Variants in PRSS21 observed in about 807,000 individuals in gnomAD.
PRSS21 encodes serine protease 21, also known as testisin.
PRSS21 carries 40 observed loss-of-function variants against 31.1 expected under a neutral mutation model. That is an observed-to-expected ratio of 1.29 (90% CI 1.00 to 1.68). The LOEUF (loss-of-function observed/expected upper bound fraction) is 1.68. PRSS21 is among the 40% of genes most tolerant of loss of function. The probability of loss-of-function intolerance (pLI) is 0.00; values close to 1 mark genes in which losing one functional copy is unlikely to be tolerated. For synonymous variants in PRSS21, 186 were observed against 167.7 expected (o/e 1.11, Z -0.84); for missense variants, 467 against 412.6 (o/e 1.13, Z -1.14).
chr16:2,821,321 C>A (rs555523098), intron 5 of PRSS21, 45 bp from the exon 6 acceptor site: 2 of 1,608,064 alleles, frequency 1.2e-6, no homozygotes, highest in Non-Finnish European at 1.7e-6. Flanking sequence ...CTCCCCTGCC[C>A]CACTCACTCT....
At chr16:2,821,234 G>T in intron 5 of PRSS21, 125 bp downstream of exon 5, 1 of 1,536,400 alleles carries the variant, frequency 6.5e-7, no homozygotes, top group Admixed American at 1.7e-5. Context: ...AGAAACGGAG[G>T]CTTGGCTGCT....
chr16:2,818,950 G>A lies in PRSS21; in HGVS notation c.531G>A (p.Gly177=), dbSNP rs761648634. The A allele has an allele frequency of 6.8e-6, 11 of 1,614,164 alleles. No homozygotes were observed. Among genetic ancestry groups the A allele is most frequent in the Non-Finnish European group, 6.8e-6 (8 of 1,179,980 alleles). The change falls in exon 4 of 6, where the codon GGG becomes GGA. Residue 177 remains glycine (G), a synonymous_variant. Coordinates refer to ENST00000005995, the MANE Select transcript of PRSS21 (RefSeq NM_006799.4). ...NRTDCWVTGW[G]YIKEDEALPS... ...CAGACTGCTGGGTGACTGGCTGGGG[G>A]TACATCAAAGAGGATGAGGGTGAGG...
In PRSS21 at chr16:2,817,528, A is replaced by AG. The variant is rs201272717; in HGVS notation, c.91+73dup. The AG allele has an allele frequency of 2.9e-4, 171 of 581,926 alleles. 1 individual carries two copies. Among genetic ancestry groups the AG allele is most frequent in the East Asian group, 2.1e-3 (57 of 27,530 alleles). The allele number at this position is 581,926 out of a possible 1,614,324, so 36.0% of individuals were successfully genotyped here. A position where few individuals can be genotyped will look rare whatever the true frequency, so the allele number is the denominator to read the frequency against. ...GGTGGACGGGGGGCGGTGAGGGGGT[A>AG]GAGGGGGGCCTTTACTGCTCTCTCG... On this transcript the variant is annotated intron_variant, in intron 2 of 5. Transcript: ENST00000005995. The surrounding 1 kb of genome is among the most constrained non-coding windows in gnomAD (Gnocchi z 4.2).
Position 2,817,630 on chromosome 16 carries a change from G to A in PRSS21, c.92-171G>A. 4 of 1,267,122 alleles carry A rather than the reference G, an allele frequency of 3.2e-6. No individual in the cohort carries two copies. The highest frequency in any genetic ancestry group is 4.3e-6 in the Non-Finnish European group (4 of 930,810). 78.5% of individuals were successfully genotyped at this position (1,267,122 alleles called of 1,614,324 possible). ...CGCTGGAGGGGGATGGGCGGGCCCT[G>A]CAGAGCACGTGGGAGGATCTCCAGT... On this transcript the variant is annotated intron_variant, in intron 2 of 5. Transcript: ENST00000005995. The surrounding 1 kb of genome is among the most constrained non-coding windows in gnomAD (Gnocchi z 4.2).
Position 2,820,985 on chromosome 16 carries a change from T to C in PRSS21, c.581T>C (p.Val194Ala), listed in dbSNP as rs1020018854. 5.6e-6 allele frequency: 9 copies of C among 1,613,862 alleles called. No homozygotes were observed. Among genetic ancestry groups the C allele is most frequent in the African/African-American group, 1.3e-5 (1 of 74,926 alleles). Residue 194 changes from valine to alanine, a missense_variant, in exon 5 of 6, where the codon GTT (valine) becomes GCT (alanine). By Grantham distance (64) the Val-to-Ala change is moderately conservative (BLOSUM62 0). Transcript: ENST00000005995. ...CCATCTCCCCACACCCTCCAGGAAG[T>C]TCAGGTCGCCATCATAAACAACTCT... ...ALPSPHTLQE[V>A]QVAIINNSMC...
chr16:2,820,844 C>A (rs1007896209), intron 4 of PRSS21, 111 bp from the exon 5 acceptor site: 49 of 1,143,540 alleles, frequency 4.3e-5, no homozygotes, highest in Non-Finnish European at 5.8e-5. Context: ...TGGAGATGAA[C>A]CTGCCAGGCA....
In PRSS21 at chr16:2,821,450, C is replaced by T. The variant is rs569822792; in HGVS notation, c.790C>T (p.Arg264Trp). 793 of 1,614,184 alleles carry T rather than the reference C, an allele frequency of 4.9e-4. 12 individuals are homozygous for T. In the South Asian group the frequency reaches 8.1e-3, roughly 17 times the overall value. The change falls in exon 6 of 6, where the codon CGG becomes TGG. Residue 264 changes from arginine to tryptophan, a missense_variant. Coordinates refer to ENST00000005995, the MANE Select transcript of PRSS21 (RefSeq NM_006799.4). ...CGTGAGCTGGGGAGTGGGCTGTGGTCGGCCCAATCGGCCCGGTGTCTACAC... is the reference window on the plus strand; with the variant it reads ...CGTGAGCTGGGGAGTGGGCTGTGGTTGGCCCAATCGGCCCGGTGTCTACAC... ...GVVSWGVGCG[R>W]PNRPGVYTNI...
At chr16:2,818,049 T>C in intron 3 of PRSS21, 83 bp downstream of exon 3, 1 of 1,458,560 alleles carries the variant, frequency 6.9e-7, no homozygotes, top group Non-Finnish European at 9.2e-7. Context: ...ACCTCTGGTC[T>C]GATGCCAGAC....
At chr16:2,819,511 G>A (rs1472855219) in intron 4 of PRSS21, among the ~76,000 whole-genome samples, 5 of 152,186 alleles carry the variant, frequency 3.3e-5, no homozygotes, top group African/African-American at 1.2e-4. Flanking sequence ...TGAAAGAAGT[G>A]GGCCCAGCAT....
intron 4 of PRSS21, among the ~76,000 whole-genome samples, chr16:2,820,054 A>C (rs2069144746): frequency 6.6e-6 from 1 of 152,108 alleles, no homozygotes; most frequent in African/African-American, 2.4e-5. Flanking sequence ...GGTCACACCA[A>C]CCCCAGGCTG....
At chr16:2,820,382 G>A (rs903622346) in intron 4 of PRSS21, among the ~76,000 whole-genome samples, 1 of 152,238 alleles carries the variant, frequency 6.6e-6, no homozygotes. Flanking sequence ...GAATTGGACA[G>A]GTGTGGGCTC....
chr16:2,819,488 AAC>A (rs1361102809), intron 4 of PRSS21, among the ~76,000 whole-genome samples: 1 of 152,088 alleles, frequency 6.6e-6, no homozygotes, highest in Non-Finnish European at 1.5e-5. Flanking sequence ...CGTGTCCCCC[AAC>A]ACACATGCCC....
Position 2,817,813 on chromosome 16 carries a change from G to T in PRSS21, c.104G>T (p.Arg35Leu). Residue 35 changes from arginine (R) to leucine (L), a missense_variant, in exon 3 of 6, where the codon CGA becomes CTA. Transcript: ENST00000005995. The surrounding 1 kb of genome is among the most constrained non-coding windows in gnomAD (Gnocchi z 4.2). The part of the protein sequence containing the change: ...EAAPLSGPCG[R>L]RVITSRIVGG... Reference sequence around the variant, plus strand: ...CTGACCATCCGAGGACCATGCGGCCGACGGGTCATCACGTCGCGCATCGTG... The same window carrying T: ...CTGACCATCCGAGGACCATGCGGCCTACGGGTCATCACGTCGCGCATCGTG... 6.5e-7 allele frequency: 1 copy of T among 1,550,216 alleles called. No homozygotes were observed.
rs1450155839 is a variant in PRSS21, at chr16:2,821,607, C to T, written c.*2C>T. Reference sequence around the variant, plus strand: ...CTCCCACTCCTGGGGCCGGTCTGAGCCTACCTGAGCCCATGCAGCCTGGGG... The same window carrying T: ...CTCCCACTCCTGGGGCCGGTCTGAGTCTACCTGAGCCCATGCAGCCTGGGG... On this transcript the variant is annotated 3_prime_UTR_variant, in exon 6 of 6. Coordinates refer to ENST00000005995, the MANE Select transcript of PRSS21 (RefSeq NM_006799.4). 1.2e-6 allele frequency: 2 copies of T among 1,608,472 alleles called. No individual in the cohort carries two copies. Among genetic ancestry groups the T allele is most frequent in the South Asian group, 2.2e-5 (2 of 91,020 alleles).
intron 4 of PRSS21, among the ~76,000 whole-genome samples, chr16:2,820,127 T>C (rs554727119): frequency 5.6e-4 from 85 of 152,288 alleles, no homozygotes; most frequent in African/African-American, 1.9e-3. Flanking sequence ...CTGCCTGGTG[T>C]GCACCTTTGC....
Position 2,821,451 on chromosome 16 carries a change from G to A in PRSS21, c.791G>A (p.Arg264Gln), listed in dbSNP as rs2072273. The stretch of plus-strand genomic sequence containing the variant: ...GTGAGCTGGGGAGTGGGCTGTGGTC[G>A]GCCCAATCGGCCCGGTGTCTACACC... ...GVVSWGVGCGRPNRPGVYTNI... is the reference protein window; with the variant it reads ...GVVSWGVGCGQPNRPGVYTNI... The change falls in exon 6 of 6, where the codon CGG becomes CAG. Residue 264 changes from arginine (R) to glutamine (Q), a missense_variant. Arg to Gln is a conservative substitution (Grantham distance 43, BLOSUM62 1). Coordinates refer to ENST00000005995, the MANE Select transcript of PRSS21 (RefSeq NM_006799.4). 10,870 of 1,614,174 alleles carry A rather than the reference G, an allele frequency of 6.7e-3. 540 individuals are homozygous for A. In the Admixed American group the frequency reaches 0.095, roughly 14 times the overall value.
rs769176365 is a variant in PRSS21, at chr16:2,821,551, G to C, written c.891G>C (p.Trp297Cys). The change falls in exon 6 of 6, where the codon TGG becomes TGC. Residue 297 changes from tryptophan (W) to cysteine (C), a missense_variant. By Grantham distance (215) the Trp-to-Cys change is radical (BLOSUM62 -2). Transcript: ENST00000005995. ...QSGMSQPDPS[W>C]PLLFFPLLWA... The stretch of plus-strand genomic sequence containing the variant: ...GCATGTCCCAGCCAGACCCCTCCTG[G>C]CCGCTACTCTTTTTCCCTCTTCTCT... 1 of 1,614,168 alleles carries C rather than the reference G, an allele frequency of 6.2e-7. No individual in the cohort carries two copies. Among genetic ancestry groups the C allele is most frequent in the Non-Finnish European group, 8.5e-7 (1 of 1,180,022 alleles).
rs2069160207 is a variant in PRSS21 at position 2,820,884 on chromosome 16, C to T, written c.551-71C>T. The stretch of plus-strand genomic sequence containing the variant: ...GGGTGCCCCAGGGCCCCCACCCCCG[C>T]AGCCTATGCCATCCCTCCATAGAGG... On this transcript the variant is annotated intron_variant, in intron 4 of 5. Transcript: ENST00000005995. 31 of 1,522,472 alleles carry T rather than the reference C, an allele frequency of 2.0e-5. No homozygotes were observed. The South Asian group carries it at 2.7e-4, about 13-fold the overall frequency. 94.3% of individuals were successfully genotyped at this position (1,522,472 alleles called of 1,614,324 possible).
chr16:2,820,859 G>A, intron 4 of PRSS21, 96 bp from the exon 5 acceptor site: 1 of 1,301,608 alleles, frequency 7.7e-7, no homozygotes, highest in Non-Finnish European at 1.1e-6. Context: ...CAGGCACAGT[G>A]GGTGCCCCAG....
Sources: gnomAD v4.1 joint callset for allele counts (sites outside exome capture counted in the v4.1 genomes callset) on GRCh38, gnomAD v4.1.1 for gene constraint, Gnocchi (gnomAD v3.1) non-coding constraint, MANE v1.5 for transcripts, NCBI Gene and HGNC (gene_info 2026-07-23, HGNC 2026-07-21) for gene names.